The following UBE2D2 variants were observed in gnomAD, a reference collection of about 807,000 sequenced individuals.
The protein encoded by UBE2D2 is ubiquitin conjugating enzyme E2 D2.
Under a neutral mutation model 24.2 loss-of-function variants are expected in UBE2D2, and 2 were observed. The observed-to-expected ratio is 0.08, with a 90% CI of 0.03 to 0.26. The LOEUF is 0.26. Among genes scored for constraint, UBE2D2 ranks in the 10% least tolerant of loss-of-function variants. The pLI, the probability that UBE2D2 is intolerant of heterozygous loss-of-function variation, is 1.00. For synonymous variants in UBE2D2, 58 were observed against 56.5 expected (o/e 1.03, Z -0.12); for missense variants, 44 against 177.6 (o/e 0.25, Z 4.28).
At chr5:139,528,076 C>T (rs1034174701) in intron 1 of UBE2D2, among the ~76,000 whole-genome samples, 1 of 152,254 alleles carries the variant, frequency 6.6e-6, no homozygotes, top group African/African-American at 2.4e-5. Flanking sequence ...AAGGGCCATG[C>T]AGCTTCTGTC....
At chr5:139,549,281 G>A (rs1426621735) in intron 1 of UBE2D2, among the ~76,000 whole-genome samples, 3 of 152,300 alleles carry the variant, frequency 2.0e-5, no homozygotes, top group Non-Finnish European at 4.4e-5. Flanking sequence ...TGCACTGCGG[G>A]AGCCCCTCTC....
At chr5:139,548,163 C>CAA (rs749269739) in intron 1 of UBE2D2, among the ~76,000 whole-genome samples, 9 of 32,962 alleles carry the variant, frequency 2.7e-4, no homozygotes, top group East Asian at 1.7e-3. Flanking sequence ...GACTCCGTCT[C>CAA]AAAAAAAAAA....
chr5:139,589,673 G>T (rs189184332), intron 1 of UBE2D2, among the ~76,000 whole-genome samples: 9 of 152,316 alleles, frequency 5.9e-5, no homozygotes, highest in Admixed American at 5.2e-4. Context: ...GAAGAAAATG[G>T]CTTTAATAGT....
chr5:139,561,156 TC>T (rs1753068210), upstream of UBE2D2: 1 of 152,622 alleles, frequency 6.6e-6, no homozygotes, highest in African/African-American at 2.4e-5. Context: ...TCGCGAGATC[TC>T]CGCCCAGGGC....
chr5:139,580,523 G>A (rs968140156), intron 1 of UBE2D2, among the ~76,000 whole-genome samples: 3 of 152,100 alleles, frequency 2.0e-5, no homozygotes, highest in African/African-American at 7.2e-5. Flanking sequence ...GTGCAGTGGC[G>A]CGATCTCGGC....
intron 1 of UBE2D2, among the ~76,000 whole-genome samples, chr5:139,548,193 A>ATAATAATAAATAAAT (rs1752862435): frequency 8.5e-5 from 4 of 47,104 alleles, no homozygotes; most frequent in African/African-American, 4.3e-4. Flanking sequence ...ATAAAAAAAA[A>ATAATAATAAATAAAT]AAATAAATAA....
intron 1 of UBE2D2, among the ~76,000 whole-genome samples, chr5:139,551,931 T>C (rs1752924908): frequency 6.6e-6 from 1 of 152,188 alleles, no homozygotes; most frequent in Non-Finnish European, 1.5e-5. Context: ...GGCATGGATA[T>C]GGTGCCAGAT....
chr5:139,551,298 A>C (rs1360445844), intron 1 of UBE2D2, among the ~76,000 whole-genome samples: 1 of 152,176 alleles, frequency 6.6e-6, no homozygotes, highest in Non-Finnish European at 1.5e-5. Context: ...GCAGTGAGCT[A>C]AGATCGTGCC....
chr5:139,620,224 A>G lies in UBE2D2; in HGVS notation c.305-3144A>G, dbSNP rs1167146235. On this transcript the variant is annotated intron_variant, in intron 5 of 6. Transcript: ENST00000398733. ...GGACACAGATCCAAACCATATCAGT[A>G]TATTAGAAACCAAAATGAATTCTTC... Among the ~76,000 whole-genome samples the G allele has an allele frequency of 2.6e-5, 4 of 152,354 alleles. No individual in the cohort carries two copies. The East Asian group carries it at 7.7e-4, about 29-fold the overall frequency.
At chr5:139,611,175 CTTTTTTTTTTTTTT>C (rs60626896) in intron 2 of UBE2D2, among the ~76,000 whole-genome samples, 6 of 58,758 alleles carry the variant, frequency 1.0e-4, no homozygotes, top group Admixed American at 5.9e-4. Context: ...AGTTTTCCTT[CTTTTTTTTTTTTTT>C]TTTTTTTTTT....
intron 5 of UBE2D2, 72 bp from the exon 6 acceptor site, chr5:139,623,296 T>C: frequency 1.8e-6 from 2 of 1,090,480 alleles, no homozygotes; most frequent in Non-Finnish European, 2.6e-6. Flanking sequence ...TTTCTCATGT[T>C]TTGGCGTCTC....
intron 1 of UBE2D2, among the ~76,000 whole-genome samples, chr5:139,544,607 CCACACACACA>C (rs111460156): frequency 1.4e-5 from 2 of 145,464 alleles, no homozygotes; most frequent in East Asian, 4.1e-4. Flanking sequence ...TGCATTCTAA[CCACACACACA>C]CACACACACA....
At chr5:139,536,993 C>T (rs190454182) in intron 1 of UBE2D2, among the ~76,000 whole-genome samples, 8 of 151,960 alleles carry the variant, frequency 5.3e-5, no homozygotes, top group Non-Finnish European at 1.2e-4. Context: ...TCCTGGCTAA[C>T]ATGGTGAAAC....
chr5:139,547,906 G>A (rs1247024921), intron 1 of UBE2D2, among the ~76,000 whole-genome samples: 2 of 151,748 alleles, frequency 1.3e-5, no homozygotes, highest in African/African-American at 2.4e-5. Context: ...TGCTGGCCAG[G>A]CTGGTCTCGA....
chr5:139,528,455 AG>A lies in UBE2D2; in HGVS notation c.-64+1844del, dbSNP rs545650285. On this transcript the variant is annotated intron_variant, in intron 1 of 6. Coordinates refer to the UBE2D2 transcript ENST00000511725. ...AAAATGGCAGTTGGAGTTTTAACCC[AG>A]AATGTAGGGCCCTGACCAAGGCCAG... Among the ~76,000 whole-genome samples the A allele has an allele frequency of 2.3e-3, 350 of 152,324 alleles. 2 individuals carry two copies. The highest frequency in any genetic ancestry group is 7.9e-3 in the African/African-American group (327 of 41,568).
intron 1 of UBE2D2, among the ~76,000 whole-genome samples, chr5:139,541,530 G>T (rs1160089156): frequency 6.9e-6 from 1 of 144,042 alleles, no homozygotes; most frequent in Non-Finnish European, 1.5e-5. Context: ...AATCCAGGAG[G>T]CAGAGGTTGC....
chr5:139,572,490 A>G (rs1030327257), intron 1 of UBE2D2, among the ~76,000 whole-genome samples: 1 of 151,954 alleles, frequency 6.6e-6, no homozygotes, highest in Non-Finnish European at 1.5e-5. Context: ...CTGCTACTCA[A>G]AAGGCCAAGA....
intron 1 of UBE2D2, among the ~76,000 whole-genome samples, chr5:139,580,345 G>A (rs1286557885): frequency 1.3e-5 from 2 of 152,094 alleles, no homozygotes; most frequent in Non-Finnish European, 2.9e-5. Flanking sequence ...GATTACAGTC[G>A]TGAGTCACCC....
intron 6 of UBE2D2, among the ~76,000 whole-genome samples, chr5:139,625,276 G>GTTTT (rs535886136): frequency 4.7e-5 from 4 of 84,990 alleles, no homozygotes; most frequent in Admixed American, 1.2e-4. Context: ...TGGCTAATTT[G>GTTTT]TTTTTTTTTT....
Sources: gnomAD v4.1 joint callset for allele counts (sites outside exome capture counted in the v4.1 genomes callset) on GRCh38, gnomAD v4.1.1 for gene constraint, MANE v1.5 for transcripts, NCBI Gene and HGNC (gene_info 2026-07-23, HGNC 2026-07-21) for gene names.